The following HERC2 variants were observed in gnomAD, a reference collection of about 807,000 sequenced individuals.
HERC2 encodes the protein HECT and RLD domain containing E3 ubiquitin protein ligase 2, also known as E3 ubiquitin-protein ligase HERC2.
In HERC2, 102 loss-of-function variants were observed where a neutral mutation model predicts 537.7. That is an observed-to-expected ratio of 0.19 (90% CI 0.16 to 0.22). The LOEUF is 0.22. Among genes scored for constraint, HERC2 ranks in the 10% least tolerant of loss-of-function variants. The pLI is 1.00. For missense variants in HERC2, 4,236 were observed against 6,198.2 expected, an observed-to-expected ratio of 0.68 and a Z score of 10.63; for synonymous variants, 2,224 against 2,466.2, an observed-to-expected ratio of 0.90 and a Z score of 2.91.
In HERC2 at chr15:28,311,652, T is replaced by C. The variant is rs558045339; in HGVS notation, c.72+9710A>G. 3.9e-5 allele frequency among the ~76,000 whole-genome samples: 6 copies of C among 151,940 alleles called. No homozygotes were observed. In the East Asian group the frequency reaches 5.8e-4, roughly 15 times the overall value. ...AACCCTCAGTAAATATAGATCCAGA[T>C]CTTAGCAGAGTGTTCAGGGCTAGAG... is the stretch of plus-strand genomic sequence containing the variant. On this transcript the variant is annotated intron_variant, in intron 2 of 92. Coordinates refer to ENST00000261609, the MANE Select transcript of HERC2 (RefSeq NM_004667.6).
rs780281455 is a variant in HERC2, at chr15:28,141,602, C to A, written c.11845G>T (p.Gly3949Cys). The change falls in exon 78 of 93, where the codon GGT (glycine) becomes TGT (cysteine). Residue 3949 changes from glycine (G) to cysteine (C), a missense_variant. This residue lies in a region of HERC2 where 156 missense variants were observed against 172.3 expected (regional missense o/e 0.91). Coordinates refer to ENST00000261609, the MANE Select transcript of HERC2 (RefSeq NM_004667.6). Reference sequence around the variant, plus strand: ...CATCCATAAATTGTTCCACTGCCACCAGCAGAGAGAGTCCAGTCATCTGGT... The same window carrying A: ...CATCCATAAATTGTTCCACTGCCACAAGCAGAGAGAGTCCAGTCATCTGGT... ...RRPDDWTLSA[G>C]GSGTIYGWGH... 5 of 1,614,034 alleles carry A rather than the reference C, an allele frequency of 3.1e-6. No individual in the cohort carries two copies. The East Asian group carries it at 8.9e-5, about 29-fold the overall frequency.
At chr15:28,248,843 C>T (rs1903977892) in intron 20 of HERC2, 107 bp from the exon 21 acceptor site, 2 of 862,780 alleles carry the variant, frequency 2.3e-6, no homozygotes, top group Non-Finnish European at 3.5e-6. Flanking sequence ...ACAGATCATA[C>T]ATGATGACCT....
intron 72 of HERC2, 97 bp from the exon 73 acceptor site, chr15:28,144,332 C>T: frequency 4.5e-6 from 6 of 1,329,438 alleles, no homozygotes; most frequent in Non-Finnish European, 6.2e-6. Context: ...CCCAGCCCCA[C>T]CCACCAGAAG....
chr15:28,215,665 C>T lies in HERC2; in HGVS notation c.6166G>A (p.Val2056Met), dbSNP rs367725568. ...GCAGTGAAGGGTGCGTGCCCTTCCA[C>T]GACCTTCATGAGCAGCGTGATCCAC... ...PQWITLLMKV[V>M]EGHAPFTATS... is the part of the protein sequence containing the mutation. The change falls in exon 39 of 93, where the codon GTG becomes ATG. Residue 2056 changes from valine to methionine, a missense_variant. Coordinates refer to ENST00000261609, the MANE Select transcript of HERC2 (RefSeq NM_004667.6). The T allele has an allele frequency of 1.4e-5, 22 of 1,611,828 alleles. No individual in the cohort carries two copies. In the Middle Eastern group the frequency reaches 6.8e-4, roughly 50 times the overall value.
intron 26 of HERC2, among the ~76,000 whole-genome samples, chr15:28,235,793 T>A (rs111243072): frequency 0.019 from 2,945 of 152,156 alleles, 92 homozygotes; most frequent in African/African-American, 0.068. Context: ...GTCCTACCCA[T>A]CACTGCATCC....
At chr15:28,186,418 A>T (rs983977631) in intron 56 of HERC2, among the ~76,000 whole-genome samples, 159 bp downstream of exon 56, 23 of 152,214 alleles carry the variant, frequency 1.5e-4, no homozygotes, top group African/African-American at 4.8e-4. Context: ...TTTATTTTTT[A>T]AAAAATACAA....
chr15:28,196,797 G>A (rs1356890201), intron 50 of HERC2, among the ~76,000 whole-genome samples: 2 of 152,134 alleles, frequency 1.3e-5, no homozygotes, highest in Admixed American at 1.3e-4. Flanking sequence ...TTGGCCTGAG[G>A]CGACAATCGT....
chr15:28,245,957 A>G lies in HERC2; in HGVS notation c.3501T>C (p.His1167=). 1 of 1,614,160 alleles carries G rather than the reference A, an allele frequency of 6.2e-7. No homozygotes were observed. The highest frequency in any genetic ancestry group is 8.5e-7 in the Non-Finnish European group (1 of 1,180,026). The change falls in exon 23 of 93, where the codon CAT becomes CAC. Residue 1167 remains histidine (H), a synonymous_variant. Transcript: ENST00000261609. ...GTGCCAGATGGTTGAACCGATCCAG[A>G]TGTTCCAACAGGCCACCCAGCAGAG... The part of the protein sequence containing the change: ...AVPLLGGLLE[H]LDRFNHLAPG...
intron 4 of HERC2, among the ~76,000 whole-genome samples, chr15:28,285,918 A>G (rs1017126011): frequency 1.3e-5 from 2 of 152,036 alleles, no homozygotes; most frequent in African/African-American, 4.8e-5. Context: ...TAACTTTGAC[A>G]ACTTGGGCAA....
At chr15:28,306,433 GATGA>G (rs1478432947) in intron 2 of HERC2, among the ~76,000 whole-genome samples, 2 of 152,242 alleles carry the variant, frequency 1.3e-5, no homozygotes, top group East Asian at 1.9e-4. Flanking sequence ...CTTTGGTCAT[GATGA>G]ATGATGTTTT....
At chr15:28,315,343 C>G (rs2077052611) in intron 2 of HERC2, among the ~76,000 whole-genome samples, 1 of 152,254 alleles carries the variant, frequency 6.6e-6, no homozygotes, top group African/African-American at 2.4e-5. Flanking sequence ...CTCCAACTCT[C>G]TTGCGTGACA....
Position 28,122,178 on chromosome 15 carries a change from C to T in HERC2, c.13189-749G>A, listed in dbSNP as rs1230488234. Among the ~76,000 whole-genome samples the T allele has an allele frequency of 6.6e-6, 1 of 152,208 alleles. No homozygotes were observed. The highest frequency in any genetic ancestry group is 1.5e-5 in the Non-Finnish European group (1 of 68,026). The stretch of plus-strand genomic sequence containing the variant: ...TCGGGAGTGCCTGGGGTGAAGACAG[C>T]AGGGCGTGGCCAAACATCAGCACCA... On this transcript the variant is annotated intron_variant, in intron 85 of 92. Transcript: ENST00000261609. The surrounding 1 kb of genome is among the most constrained non-coding windows in gnomAD (Gnocchi z 4.1).
chr15:28,116,958 G>A (rs1888323568), intron 87 of HERC2, 55 bp downstream of exon 87: 1 of 1,612,530 alleles, frequency 6.2e-7, no homozygotes, highest in African/African-American at 1.3e-5. Flanking sequence ...CTCCCTGTGG[G>A]CTCAGGCGAC....
chr15:28,269,576 A>G, intron 10 of HERC2, 140 bp from the exon 11 acceptor site: 1 of 657,796 alleles, frequency 1.5e-6, no homozygotes, highest in Non-Finnish European at 2.6e-6. Context: ...AATAGCTCAT[A>G]CCAGCCTGTA....
At chr15:28,284,922 A>G (rs1567117164) in intron 4 of HERC2, among the ~76,000 whole-genome samples, 24 of 131,406 alleles carry the variant, frequency 1.8e-4, no homozygotes, top group African/African-American at 7.2e-4. Flanking sequence ...CGTCTCGGAA[A>G]AAAAAAAAAA....
chr15:28,177,256 C>G lies in HERC2; in HGVS notation c.9255-129G>C. On this transcript the variant is annotated intron_variant, in intron 60 of 92. Transcript: ENST00000261609. This position sits in a 1 kb window ranked among gnomAD's most constrained non-coding sequence, Gnocchi z 5.0. ...ACAGATCAACTATCAAAACTTAAAG[C>G]AGAACCGGTGAGACCAAAACACAAA... 1.6e-6 allele frequency: 2 copies of G among 1,243,688 alleles called. No individual in the cohort carries two copies. The highest frequency in any genetic ancestry group is 1.5e-5 in the South Asian group (1 of 68,360). The allele number at this position is 1,243,688 out of a possible 1,614,324, so 77.0% of individuals were successfully genotyped here.
chr15:28,206,828 G>C (rs1161836931), intron 44 of HERC2, among the ~76,000 whole-genome samples: 1 of 99,406 alleles, frequency 1.0e-5, no homozygotes, highest in South Asian at 4.1e-4. Flanking sequence ...CCAAGACTCG[G>C]TCTCAAAAAA....
At chr15:28,217,370 T>C (rs1418708111) in intron 38 of HERC2, among the ~76,000 whole-genome samples, 1 of 152,014 alleles carries the variant, frequency 6.6e-6, no homozygotes, top group African/African-American at 2.4e-5. Flanking sequence ...CAACACACCA[T>C]CACACTTGCA....
chr15:28,182,343 C>A, intron 57 of HERC2, 58 bp downstream of exon 57: 3 of 1,033,658 alleles, frequency 2.9e-6, no homozygotes, highest in Non-Finnish European at 4.6e-6. Flanking sequence ...AGAAACTTCA[C>A]GAGGTGTGGC....
Sources: allele counts gnomAD v4.1 joint callset (sites outside exome capture counted in the v4.1 genomes callset), GRCh38; gene constraint gnomAD v4.1.1; regional missense constraint gnomAD v4.1.1; non-coding constraint Gnocchi (gnomAD v3.1); transcripts MANE v1.5; gene names NCBI Gene and HGNC (gene_info 2026-07-23, HGNC 2026-07-21).